Variants in KRTCAP3 observed in about 807,000 individuals in gnomAD.
KRTCAP3 encodes the protein keratinocyte-associated protein 3.
In KRTCAP3, 18 loss-of-function variants were observed where a neutral mutation model predicts 20.5. The ratio of observed to expected loss-of-function variants is 0.88; its 90% CI spans 0.61 to 1.31. The LOEUF is 1.31. KRTCAP3 is among the 50% of genes most tolerant of loss of function. The probability of loss-of-function intolerance (pLI) is 0.00; values close to 1 mark genes in which losing one functional copy is unlikely to be tolerated. For missense variants in KRTCAP3, 347 were observed against 310.4 expected (o/e 1.12, Z -0.89); for synonymous variants, 167 against 133.7 (o/e 1.25, Z -1.72).
chr2:27,445,471 T>G, downstream of KRTCAP3: 1 of 1,602,986 alleles, frequency 6.2e-7, no homozygotes, highest in Non-Finnish European at 8.5e-7. This position sits in a 1 kb window ranked among gnomAD's most constrained non-coding sequence, Gnocchi z 4.4. Flanking sequence ...AAGAAGGGAG[T>G]GGTAGCTTCA....
chr2:27,444,990 A>G, downstream of KRTCAP3: 1 of 1,609,554 alleles, frequency 6.2e-7, no homozygotes, highest in Non-Finnish European at 8.5e-7. Context: ...CTCTGCCTTC[A>G]TTCTCCAAGT....
Position 27,442,919 on chromosome 2 carries a change from G to A in KRTCAP3, c.273+18G>A. 1 of 1,613,096 alleles carries A rather than the reference G, an allele frequency of 6.2e-7. No individual in the cohort carries two copies. Among genetic ancestry groups the A allele is most frequent in the South Asian group, 1.1e-5 (1 of 91,086 alleles). ...CTCCACTGGTGAGAGGGACTTCCCT[G>A]GAGCTTTTAACGAGTAGGCTTGAGT... is the stretch of plus-strand genomic sequence containing the variant. On this transcript the variant is annotated intron_variant, in intron 3 of 6. Coordinates refer to ENST00000288873, the MANE Select transcript of KRTCAP3 (RefSeq NM_173853.4).
chr2:27,446,108 C>T, downstream of KRTCAP3: 3 of 1,414,750 alleles, frequency 2.1e-6, no homozygotes, highest in South Asian at 3.5e-5. Context: ...CTCTGGGATC[C>T]AGGGAGAAAA....
downstream of KRTCAP3, chr2:27,445,136 G>A (rs1295629467): frequency 6.2e-6 from 10 of 1,612,710 alleles, no homozygotes; most frequent in Non-Finnish European, 6.8e-6. This position sits in a 1 kb window ranked among gnomAD's most constrained non-coding sequence, Gnocchi z 4.4. Flanking sequence ...ATGAACTGGG[G>A]TTTGAGAGAG....
downstream of KRTCAP3, chr2:27,444,478 C>T (rs1238875084): frequency 1.2e-6 from 2 of 1,613,712 alleles, no homozygotes; most frequent in East Asian, 2.2e-5. Context: ...ACACCACTGA[C>T]TGATGAATTT....
At chr2:27,443,311 A>C in intron 4 of KRTCAP3, 31 bp downstream of exon 4, 1 of 1,613,596 alleles carries the variant, frequency 6.2e-7, no homozygotes, top group Non-Finnish European at 8.5e-7. Flanking sequence ...CTTGTGGTCT[A>C]CAAAGCCTTG....
downstream of KRTCAP3, chr2:27,446,025 G>T (rs148228238): frequency 1.9e-3 from 3,125 of 1,612,380 alleles, 7 homozygotes; most frequent in Non-Finnish European, 2.0e-3. Context: ...GAGTGAACAA[G>T]CTGGGTTTGA....
At chr2:27,442,985 T>C in intron 3 of KRTCAP3, 84 bp downstream of exon 3, 3 of 1,579,352 alleles carry the variant, frequency 1.9e-6, no homozygotes, top group East Asian at 4.5e-5. Flanking sequence ...TTTCAATAGA[T>C]TGGAGGAGCC....
At chr2:27,445,390 C>T (rs1664973575), downstream of KRTCAP3, 11 of 1,612,790 alleles carry the variant, frequency 6.8e-6, no homozygotes, top group Non-Finnish European at 9.3e-6. The surrounding 1 kb of genome is among the most constrained non-coding windows in gnomAD (Gnocchi z 4.4). Context: ...GAACCTGCTC[C>T]AGCCGCTGGT....
At chr2:27,443,901 T>C in intron 5 of KRTCAP3, 48 bp from the exon 6 acceptor site, 1 of 1,049,180 alleles carries the variant, frequency 9.5e-7, no homozygotes, top group Non-Finnish European at 1.5e-6. Flanking sequence ...AAAAAGATGC[T>C]GACCTATCAT....
Position 27,443,930 on chromosome 2 carries a change from A to T in KRTCAP3, c.616-19A>T, listed in dbSNP as rs1422344861. On this transcript the variant is annotated intron_variant, in intron 5 of 6. Coordinates refer to ENST00000288873, the MANE Select transcript of KRTCAP3 (RefSeq NM_173853.4). ...CTATCATTCAGGGCGAGGGTGTCTAACTCTATCTTCTTCTGCAGCTAGAGG... is the reference window on the plus strand; with the variant it reads ...CTATCATTCAGGGCGAGGGTGTCTATCTCTATCTTCTTCTGCAGCTAGAGG... 4.3e-6 allele frequency: 6 copies of T among 1,391,166 alleles called. No homozygotes were observed. The highest frequency in any genetic ancestry group is 6.1e-6 in the Non-Finnish European group (6 of 976,430). 86.2% of individuals were successfully genotyped at this position (1,391,166 alleles called of 1,614,324 possible).
At chr2:27,445,047 C>T (rs868208741), downstream of KRTCAP3, 4 of 1,614,000 alleles carry the variant, frequency 2.5e-6, no homozygotes, top group Middle Eastern at 1.6e-4. The surrounding 1 kb of genome is among the most constrained non-coding windows in gnomAD (Gnocchi z 4.4). Context: ...TCCAGTTGTC[C>T]TTGTTAGCAG....
At chr2:27,442,784 G>C in intron 2 of KRTCAP3, 21 bp downstream of exon 2, 1 of 1,611,200 alleles carries the variant, frequency 6.2e-7, no homozygotes, top group Non-Finnish European at 8.5e-7. Flanking sequence ...CAGGCGACCC[G>C]GGCGGGGGCC....
chr2:27,444,506 C>G (rs1451217519), downstream of KRTCAP3: 5 of 1,613,460 alleles, frequency 3.1e-6, no homozygotes, highest in Non-Finnish European at 4.2e-6. Context: ...TCCTGGCACA[C>G]TGGGCTGTGG....
chr2:27,445,648 C>T, downstream of KRTCAP3: 1 of 1,462,368 alleles, frequency 6.8e-7, no homozygotes, highest in South Asian at 1.2e-5. The surrounding 1 kb of genome is among the most constrained non-coding windows in gnomAD (Gnocchi z 4.4). Flanking sequence ...ACAGTGAGGG[C>T]TGAGGTCCTT....
downstream of KRTCAP3, chr2:27,444,478 C>G: frequency 6.2e-7 from 1 of 1,613,712 alleles, no homozygotes; most frequent in South Asian, 1.1e-5. Flanking sequence ...ACACCACTGA[C>G]TGATGAATTT....
rs771889359 is a variant in KRTCAP3, at chr2:27,444,058, A to G, written c.*2A>G. 2 of 1,587,168 alleles carry G rather than the reference A, an allele frequency of 1.3e-6. No individual in the cohort carries two copies. Among genetic ancestry groups the G allele is most frequent in the Non-Finnish European group, 1.7e-6 (2 of 1,155,536 alleles). ...GCATCACAGAGAAGTTGGGTTTAGG[A>G]CAGGTAATGGGCCTTGAAGGTGGTG... On this transcript the variant is annotated 3_prime_UTR_variant, in exon 6 of 7. Transcript: ENST00000288873.
At position 27,444,035 on chromosome 2, in the gene KRTCAP3, A is replaced by T; in HGVS notation, c.702A>T (p.Ala234=). The change falls in exon 6 of 7, where the codon GCA becomes GCT. Residue 234 remains alanine, a synonymous_variant. Coordinates refer to ENST00000288873, the MANE Select transcript of KRTCAP3 (RefSeq NM_173853.4). ...QLLDQNQEIR[A]SQRSWV Reference sequence around the variant, plus strand: ...TGGATCAAAATCAAGAAATCCGGGCATCACAGAGAAGTTGGGTTTAGGACA... The same window carrying T: ...TGGATCAAAATCAAGAAATCCGGGCTTCACAGAGAAGTTGGGTTTAGGACA... 6.2e-7 allele frequency: 1 copy of T among 1,613,298 alleles called. No individual in the cohort carries two copies. Among genetic ancestry groups the T allele is most frequent in the Admixed American group, 1.7e-5 (1 of 60,026 alleles).
chr2:27,445,952 T>C (rs377200724), downstream of KRTCAP3: 2 of 1,614,046 alleles, frequency 1.2e-6, no homozygotes, highest in African/African-American at 2.7e-5. The surrounding 1 kb of genome is among the most constrained non-coding windows in gnomAD (Gnocchi z 4.4). Flanking sequence ...AAAAAGCGAT[T>C]GAGGAAGATG....
Sources: allele counts gnomAD v4.1 joint callset, GRCh38; gene constraint gnomAD v4.1.1; non-coding constraint Gnocchi (gnomAD v3.1); transcripts MANE v1.5; gene names NCBI Gene and HGNC (gene_info 2026-07-23, HGNC 2026-07-21).